The following SLC71A2 variants were observed in gnomAD, a reference collection of about 807,000 sequenced individuals.
The protein encoded by SLC71A2 is solute carrier family 71 member 2.
chr9:94,450,679 C>T, the SLC71A2 span, among the ~76,000 whole-genome samples: 5 of 151,664 alleles, frequency 3.3e-5, no homozygotes, highest in South Asian at 2.1e-4. Flanking sequence ...TTAGTAGAGA[C>T]GGGGTGTCGC....
At chr9:94,443,218 C>T in the SLC71A2 span, among the ~76,000 whole-genome samples, 2 of 152,070 alleles carry the variant, frequency 1.3e-5, no homozygotes, top group African/African-American at 4.8e-5. Flanking sequence ...TATCTACTCA[C>T]AGGGGCATTG....
chr9:94,452,626 TATATATTTTC>T, the SLC71A2 span, among the ~76,000 whole-genome samples: 130 of 100,928 alleles, frequency 1.3e-3, no homozygotes, highest in African/African-American at 3.1e-3. Context: ...TATATATATA[TATATATTTTC>T]ATATATATAT....
the SLC71A2 span, chr9:94,429,386 G>A: frequency 2.9e-6 from 4 of 1,370,904 alleles, no homozygotes; most frequent in Non-Finnish European, 4.0e-6. Context: ...ATTTTTAGCT[G>A]GGTTATTAAA....
At chr9:94,457,213 C>T in the SLC71A2 span, among the ~76,000 whole-genome samples, 29 of 152,182 alleles carry the variant, frequency 1.9e-4, no homozygotes, top group South Asian at 4.6e-3. Context: ...CTGCCTGCCT[C>T]GGCCTCTCAA....
chr9:94,449,471 C>CA, the SLC71A2 span, among the ~76,000 whole-genome samples: 1 of 152,082 alleles, frequency 6.6e-6, no homozygotes, highest in South Asian at 2.1e-4. Flanking sequence ...TACAAAAGGC[C>CA]AATAAGCACA....
At chr9:94,394,440 C>A in the SLC71A2 span, among the ~76,000 whole-genome samples, 1 of 99,848 alleles carries the variant, frequency 1.0e-5, no homozygotes, top group Admixed American at 1.0e-4. Context: ...TAAAAACTTT[C>A]AGATAAAGAA....
At chr9:94,395,676 G>A in the SLC71A2 span, among the ~76,000 whole-genome samples, 11 of 152,254 alleles carry the variant, frequency 7.2e-5, no homozygotes, top group South Asian at 2.1e-4. Context: ...GTGAAAAACC[G>A]TTCACAAGCC....
chr9:94,397,059 C>T, the SLC71A2 span, among the ~76,000 whole-genome samples: 41 of 152,312 alleles, frequency 2.7e-4, no homozygotes, highest in African/African-American at 8.7e-4. Context: ...CGTGAGCCAC[C>T]GTGCCCGGCC....
chr9:94,377,178 T>A, the SLC71A2 span, among the ~76,000 whole-genome samples: 2 of 151,450 alleles, frequency 1.3e-5, no homozygotes, highest in East Asian at 3.9e-4. Flanking sequence ...TACCCCTGAA[T>A]TATGTGTTTT....
the SLC71A2 span, chr9:94,433,215 G>A: frequency 4.1e-6 from 1 of 241,296 alleles, no homozygotes; most frequent in Non-Finnish European, 8.5e-6. Context: ...GCTCAGCCAT[G>A]GCTGAACACT....
the SLC71A2 span, chr9:94,429,273 G>T: frequency 1.4e-5 from 22 of 1,577,478 alleles, no homozygotes; most frequent in Non-Finnish European, 1.8e-5. Context: ...TTTTTATGTG[G>T]TTTGTAATGA....
the SLC71A2 span, among the ~76,000 whole-genome samples, chr9:94,381,461 T>C: frequency 5.3e-5 from 8 of 152,050 alleles, no homozygotes; most frequent in African/African-American, 1.9e-4. Context: ...AAATCGGTAG[T>C]TCATTCTTTT....
At chr9:94,460,678 T>C in the SLC71A2 span, 1 of 93,178 alleles carries the variant, frequency 1.1e-5, no homozygotes, top group Non-Finnish European at 2.2e-5. Flanking sequence ...TGTAAAGGGT[T>C]TTAATTTTTT....
the SLC71A2 span, among the ~76,000 whole-genome samples, chr9:94,410,806 C>T: frequency 6.6e-6 from 1 of 152,174 alleles, no homozygotes; most frequent in Non-Finnish European, 1.5e-5. Context: ...CACTCTTTCC[C>T]CCAGGCTGGA....
the SLC71A2 span, among the ~76,000 whole-genome samples, chr9:94,400,001 A>G: frequency 6.6e-6 from 1 of 151,744 alleles, no homozygotes; most frequent in Admixed American, 6.6e-5. Context: ...TAGAGATGGG[A>G]GGTTTCCCCA....
the SLC71A2 span, among the ~76,000 whole-genome samples, chr9:94,419,862 A>T: frequency 6.6e-6 from 1 of 151,756 alleles, no homozygotes; most frequent in African/African-American, 2.4e-5. Context: ...TTCAGTTTTT[A>T]TTTTTATTTT....
chr9:94,430,648 A>G, the SLC71A2 span, among the ~76,000 whole-genome samples: 4 of 152,176 alleles, frequency 2.6e-5, no homozygotes, highest in Non-Finnish European at 5.9e-5. Flanking sequence ...TCGAACAGTT[A>G]CCGGCTGAAG....
chr9:94,428,148 C>G, the SLC71A2 span, among the ~76,000 whole-genome samples: 1 of 151,626 alleles, frequency 6.6e-6, no homozygotes, highest in East Asian at 1.9e-4. Flanking sequence ...TGACATGATC[C>G]GATAAGCATT....
chr9:94,421,206 A>G, the SLC71A2 span, among the ~76,000 whole-genome samples: 6 of 151,806 alleles, frequency 4.0e-5, no homozygotes, highest in Admixed American at 1.3e-4. Context: ...TGGCTAAAAT[A>G]AAATAGGAAC....
Sources: allele counts gnomAD v4.1 joint callset (sites outside exome capture counted in the v4.1 genomes callset), GRCh38; gene constraint gnomAD v4.1.1; transcripts MANE v1.5; gene names NCBI Gene and HGNC (gene_info 2026-07-23, HGNC 2026-07-21).